The following FSTL5 variants were observed in gnomAD, a reference collection of about 807,000 sequenced individuals.
FSTL5 encodes follistatin-related protein 5.
A neutral mutation model predicts 89.1 loss-of-function variants in FSTL5; 62 were observed. That is an observed-to-expected ratio of 0.70 (90% CI 0.57 to 0.86). The LOEUF (loss-of-function observed/expected upper bound fraction) is 0.86, where lower values mean the gene tolerates loss of function less well. Ranked by LOEUF, FSTL5 falls within the 40% of genes least tolerant of loss-of-function variation. FSTL5 has a pLI of 0.00. For missense variants in FSTL5, 1,057 were observed against 1,001.6 expected, an observed-to-expected ratio of 1.06 and a Z score of -0.75; for synonymous variants, 383 against 346.2, an observed-to-expected ratio of 1.11 and a Z score of -1.18.
chr4:161,532,997 T>G (rs551097539), intron 10 of FSTL5, among the ~76,000 whole-genome samples: 100 of 146,606 alleles, frequency 6.8e-4, no homozygotes, highest in Non-Finnish European at 1.4e-3. Context: ...ACAATAACAT[T>G]AACGCAGAAA....
intron 3 of FSTL5, among the ~76,000 whole-genome samples, chr4:162,025,076 A>AT (rs550590208): frequency 0.013 from 1,928 of 151,404 alleles, 37 homozygotes; most frequent in African/African-American, 0.038. Context: ...TGTCTACTGT[A>AT]TTTTTTTTTC....
At chr4:161,505,631 T>A (rs983127632) in intron 11 of FSTL5, among the ~76,000 whole-genome samples, 1 of 152,208 alleles carries the variant, frequency 6.6e-6, no homozygotes, top group African/African-American at 2.4e-5. Context: ...TAATAGAATA[T>A]TTGTTTTCAT....
intron 4 of FSTL5, among the ~76,000 whole-genome samples, chr4:161,911,022 C>G (rs548001758): frequency 1.5e-3 from 232 of 152,060 alleles, no homozygotes; most frequent in African/African-American, 5.4e-3. Flanking sequence ...CACACTTTTG[C>G]CTGTGAACTT....
chr4:161,676,122 G>A (rs926489874), intron 6 of FSTL5, among the ~76,000 whole-genome samples: 1 of 152,028 alleles, frequency 6.6e-6, no homozygotes, highest in Non-Finnish European at 1.5e-5. Flanking sequence ...TAGAAACCTT[G>A]ATTAATTAAC....
chr4:161,999,472 A>G (rs568053645), intron 3 of FSTL5, among the ~76,000 whole-genome samples: 3 of 152,328 alleles, frequency 2.0e-5, no homozygotes, highest in African/African-American at 7.2e-5. Flanking sequence ...AGAAAAATTC[A>G]TATTAATTGA....
At chr4:161,753,781 G>A (rs1159807190) in intron 6 of FSTL5, among the ~76,000 whole-genome samples, 2 of 152,176 alleles carry the variant, frequency 1.3e-5, no homozygotes, top group African/African-American at 4.8e-5. Flanking sequence ...GGTGGCTCAC[G>A]CCTGCAATCC....
chr4:161,999,697 C>A lies in FSTL5; in HGVS notation c.160+33928G>T, dbSNP rs536975908. The stretch of plus-strand genomic sequence containing the variant: ...TGTCACCATGATAGCCAATAAATTT[C>A]ATTTATACTTCAATTATCTCTTAAT... On this transcript the variant is annotated intron_variant, in intron 3 of 15. Transcript: ENST00000306100. Among the ~76,000 whole-genome samples the A allele has an allele frequency of 1.5e-4, 23 of 152,244 alleles. 1 individual carries two copies. Among genetic ancestry groups the A allele is most frequent in the Admixed American group, 3.9e-4 (6 of 15,288 alleles).
intron 8 of FSTL5, among the ~76,000 whole-genome samples, chr4:161,579,579 T>C (rs1179920510): frequency 6.6e-6 from 1 of 151,984 alleles, no homozygotes. Flanking sequence ...TAGCTGGGCA[T>C]GGTGGCAGGC....
At chr4:162,006,257 A>T (rs1034843506) in intron 3 of FSTL5, among the ~76,000 whole-genome samples, 1 of 152,012 alleles carries the variant, frequency 6.6e-6, no homozygotes, top group Non-Finnish European at 1.5e-5. Context: ...TAACATTTAT[A>T]TCTTTAGTAA....
intron 4 of FSTL5, among the ~76,000 whole-genome samples, chr4:161,819,532 G>C (rs1353780709): frequency 1.3e-5 from 2 of 151,378 alleles, no homozygotes; most frequent in Non-Finnish European, 3.0e-5. Context: ...CAAAATGCAG[G>C]GTCTGCATTT....
chr4:162,044,252 G>T (rs562988028), intron 2 of FSTL5, among the ~76,000 whole-genome samples: 54 of 152,270 alleles, frequency 3.5e-4, no homozygotes, highest in African/African-American at 1.3e-3. Context: ...TGAATGTTTT[G>T]TTAGCAGGCA....
chr4:161,705,948 G>GTGTATATTGCATGTGTGTGTGTAGA (rs1249868429), intron 6 of FSTL5, among the ~76,000 whole-genome samples: 3 of 1,586 alleles, frequency 1.9e-3, no homozygotes, highest in African/African-American at 3.1e-3. Context: ...GTGTGTAGAT[G>GTGTATATTGCATGTGTGTGTGTAGA]TGTGTATATA....
Position 161,500,052 on chromosome 4 carries a change from C to A in FSTL5, c.1422G>T (p.Arg474Ser). 1 of 1,609,334 alleles carries A rather than the reference C, an allele frequency of 6.2e-7. No homozygotes were observed. The highest frequency in any genetic ancestry group is 8.5e-7 in the Non-Finnish European group (1 of 1,176,574). Residue 474 changes from arginine (R) to serine (S), a missense_variant, in exon 12 of 16, where the codon AGG becomes AGT. Physicochemically the swap from Arg to Ser is moderately radical, Grantham distance 110 (BLOSUM62 -1). Around this residue, in one of 3 missense-constraint regions of FSTL5, gnomAD observed 980 missense variants for 903.2 expected, o/e 1.08. Transcript: ENST00000306100. ...VIQPIECEFQ[R>S]HIKPSEKLLG... is the part of the protein sequence containing the mutation. ...GGAGCTTTTCACTAGGCTTAATGTG[C>A]CTCTGAAATTCACATTCTATGGGTT...
intron 2 of FSTL5, among the ~76,000 whole-genome samples, chr4:162,061,247 A>G (rs1738708524): frequency 6.6e-6 from 1 of 152,084 alleles, no homozygotes; most frequent in African/African-American, 2.4e-5. Flanking sequence ...AGAGATGTAA[A>G]GACGGTCACT....
intron 8 of FSTL5, among the ~76,000 whole-genome samples, chr4:161,572,144 C>A (rs910362983): frequency 6.6e-6 from 1 of 151,446 alleles, no homozygotes; most frequent in Non-Finnish European, 1.5e-5. Context: ...TATGGTGAAA[C>A]CTCACCTCTA....
intron 7 of FSTL5, among the ~76,000 whole-genome samples, chr4:161,646,935 C>T (rs544627172): frequency 8.4e-4 from 128 of 152,134 alleles, no homozygotes; most frequent in African/African-American, 2.9e-3. Context: ...CAAATATTTT[C>T]TCTACTTCCA....
intron 4 of FSTL5, among the ~76,000 whole-genome samples, chr4:161,914,585 A>C (rs9884508): frequency 1.3e-5 from 2 of 152,202 alleles, no homozygotes; most frequent in Non-Finnish European, 2.9e-5. Context: ...ACAAATGTCA[A>C]TCAATAACAA....
At chr4:162,150,976 T>C (rs1733202457) in intron 1 of FSTL5, among the ~76,000 whole-genome samples, 1 of 152,156 alleles carries the variant, frequency 6.6e-6, no homozygotes, top group Admixed American at 6.6e-5. Flanking sequence ...TAAATTTAAA[T>C]TTCATATAGG....
chr4:162,055,994 G>A (rs1036426092), intron 2 of FSTL5, among the ~76,000 whole-genome samples: 1 of 151,708 alleles, frequency 6.6e-6, no homozygotes, highest in Non-Finnish European at 1.5e-5. Flanking sequence ...TAAATTTTTT[G>A]AAAGCTAATA....
Sources: gnomAD v4.1 joint callset for allele counts (sites outside exome capture counted in the v4.1 genomes callset) on GRCh38, gnomAD v4.1.1 for gene constraint, gnomAD v4.1.1 regional missense constraint, MANE v1.5 for transcripts, NCBI Gene and HGNC (gene_info 2026-07-23, HGNC 2026-07-21) for gene names.